NFKB1: variants seen among roughly 807,000 people sequenced by gnomAD.
NFKB1 encodes the protein nuclear factor kappa B subunit 1.
A neutral mutation model predicts 105.1 loss-of-function variants in NFKB1; 9 were observed. The ratio of observed to expected loss-of-function variants is 0.09; its 90% CI spans 0.05 to 0.15. NFKB1 has a LOEUF of 0.15. NFKB1 is among the 10% of genes least tolerant of loss of function. The pLI is 1.00. For synonymous variants in NFKB1, 440 were observed against 442.2 expected, an observed-to-expected ratio of 1.00 and a Z score of 0.06; for missense variants, 830 against 1,203.7, an observed-to-expected ratio of 0.69 and a Z score of 4.59.
intron 11 of NFKB1, among the ~76,000 whole-genome samples, chr4:102,587,763 C>A (rs1233385623): frequency 6.6e-6 from 1 of 151,964 alleles, no homozygotes. Flanking sequence ...TATATGAGGA[C>A]AACAAATTAC....
intron 9 of NFKB1, among the ~76,000 whole-genome samples, chr4:102,582,241 G>A (rs971949788): frequency 1.3e-5 from 2 of 152,174 alleles, no homozygotes; most frequent in Non-Finnish European, 2.9e-5. Context: ...TTAATAGTGT[G>A]TTAAGAGCCT....
In NFKB1 at chr4:102,536,416, G is replaced by A. The variant is rs4647994; in HGVS notation, c.160-1442G>A. On this transcript the variant is annotated intron_variant, in intron 4 of 23. Coordinates refer to ENST00000226574, the MANE Select transcript of NFKB1 (RefSeq NM_003998.4). Reference sequence around the variant, plus strand: ...CATTAAGGAAATTTCCCAGACCGGGGAATTTACTTTAGGCCTTACTTATCT... The same window carrying A: ...CATTAAGGAAATTTCCCAGACCGGGAAATTTACTTTAGGCCTTACTTATCT... Among the ~76,000 whole-genome samples the A allele has an allele frequency of 5.0e-3, 767 of 152,246 alleles. 14 individuals are homozygous for A. Among genetic ancestry groups the A allele is most frequent in the African/African-American group, 0.017 (713 of 41,532 alleles).
At chr4:102,555,165 AG>A (rs1008050465) in intron 5 of NFKB1, among the ~76,000 whole-genome samples, 1 of 152,164 alleles carries the variant, frequency 6.6e-6, no homozygotes, top group Non-Finnish European at 1.5e-5. Context: ...GAGTTAGATT[AG>A]GGAGATGAAC....
At position 102,582,769 on chromosome 4, in the gene NFKB1, TAGTA is replaced by T. The variant is rs561283236; in HGVS notation, c.836-96_836-93del. ...CTTGTTTTTTAAAAGTGTAAATAGA[TAGTA>T]GGTAGAATATTAAACCAGTTTTATT... is the stretch of plus-strand genomic sequence containing the variant. On this transcript the variant is annotated intron_variant, in intron 9 of 23. Transcript: ENST00000226574. 3,784 of 706,060 alleles carry T rather than the reference TAGTA, an allele frequency of 5.4e-3. 28 individuals carry two copies. The highest frequency in any genetic ancestry group is 7.7e-3 in the Non-Finnish European group (3,257 of 425,046). The allele number at this position is 706,060 out of a possible 1,614,324, so 43.7% of individuals were successfully genotyped here.
In NFKB1 at chr4:102,578,975, G is replaced by A. The variant is rs758872166; in HGVS notation, c.666G>A (p.Pro222=). The A allele has an allele frequency of 3.4e-5, 55 of 1,613,948 alleles. No individual in the cohort carries two copies. The highest frequency in any genetic ancestry group is 1.6e-4 in the Middle Eastern group (1 of 6,082). Residue 222 remains proline, a synonymous_variant, in exon 8 of 24, where the codon CCG becomes CCA. Transcript: ENST00000226574. ...GGCTCATGTTTACAGCTTTTCTTCC[G>A]GATAGCACTGGCAGCTTCACAAGGC... ...VVRLMFTAFL[P]DSTGSFTRRL...
At chr4:102,502,031 C>T (rs1739070956) in intron 1 of NFKB1, 1 of 152,368 alleles carries the variant, frequency 6.6e-6, no homozygotes, top group Non-Finnish European at 1.5e-5. Flanking sequence ...GCCCGGCGGT[C>T]ATTTCTCTTC....
intron 6 of NFKB1, 35 bp from the exon 7 acceptor site, chr4:102,576,841 T>G (rs1724862094): frequency 2.5e-6 from 4 of 1,575,570 alleles, no homozygotes; most frequent in Non-Finnish European, 3.4e-6. Context: ...AACTTTTGGT[T>G]GTTGTTGCTG....
At chr4:102,571,966 C>T (rs1350582856) in intron 6 of NFKB1, among the ~76,000 whole-genome samples, 2 of 152,178 alleles carry the variant, frequency 1.3e-5, no homozygotes, top group African/African-American at 4.8e-5. Context: ...CCATTTGACC[C>T]AGCCATCCCA....
chr4:102,597,661 G>A lies in NFKB1; in HGVS notation c.1637G>A (p.Ser546Asn). 1.2e-6 allele frequency: 2 copies of A among 1,609,522 alleles called. No individual in the cohort carries two copies. The highest frequency in any genetic ancestry group is 1.7e-6 in the Non-Finnish European group (2 of 1,177,308). ...GCTGTGCAGGATGAGAATGGGGACA[G>A]GTAAGTCAGAACTTTTGCATGATAG... is the stretch of plus-strand genomic sequence containing the variant. ...LTAVQDENGD[S>N]VLHLAIIHLH... The change falls in exon 15 of 24, where the codon AGT becomes AAT. Residue 546 changes from serine to asparagine, a missense_variant and splice_region_variant. Physicochemically the swap from Ser to Asn is conservative, Grantham distance 46. Transcript: ENST00000226574.
At chr4:102,611,931 A>T in intron 20 of NFKB1, 113 bp from the exon 21 acceptor site, 1 of 749,216 alleles carries the variant, frequency 1.3e-6, no homozygotes, top group Non-Finnish European at 2.2e-6. Context: ...CTCCATCATT[A>T]GGGTACCAGG....
chr4:102,614,899 G>C (rs1728798844), intron 23 of NFKB1, among the ~76,000 whole-genome samples: 1 of 152,014 alleles, frequency 6.6e-6, no homozygotes, highest in South Asian at 2.1e-4. Context: ...TCTTCCAGGA[G>C]ATTAAGACAA....
At chr4:102,539,458 A>G (rs574134510) in intron 5 of NFKB1, among the ~76,000 whole-genome samples, 3 of 152,134 alleles carry the variant, frequency 2.0e-5, no homozygotes, top group Non-Finnish European at 4.4e-5. Context: ...GTTGCATTTT[A>G]AGTCTCTTAG....
intron 11 of NFKB1, among the ~76,000 whole-genome samples, chr4:102,591,512 A>T (rs1726174098): frequency 6.6e-6 from 1 of 152,148 alleles, no homozygotes; most frequent in Non-Finnish European, 1.5e-5. Flanking sequence ...TCATTCTGAA[A>T]ATCCTAGAGC....
chr4:102,554,530 C>T (rs1214722603), intron 5 of NFKB1, among the ~76,000 whole-genome samples: 2 of 152,152 alleles, frequency 1.3e-5, no homozygotes, highest in African/African-American at 2.4e-5. Flanking sequence ...TTTCTCCAAG[C>T]GGAATCATAC....
intron 1 of NFKB1, chr4:102,510,934 T>C (rs2149097925): frequency 1.6e-6 from 2 of 1,285,200 alleles, no homozygotes; most frequent in African/African-American, 1.5e-5. Flanking sequence ...CTTGGAGATA[T>C]GAAAAGAACC....
At chr4:102,538,574 A>T (rs1342639453) in intron 5 of NFKB1, among the ~76,000 whole-genome samples, 5 of 152,210 alleles carry the variant, frequency 3.3e-5, no homozygotes, top group Non-Finnish European at 7.3e-5. Flanking sequence ...TCTTGGAATG[A>T]ACTGCTACGT....
chr4:102,523,076 T>C (rs1270948622), intron 1 of NFKB1, among the ~76,000 whole-genome samples: 1 of 152,182 alleles, frequency 6.6e-6, no homozygotes, highest in Middle Eastern at 3.2e-3. Context: ...TTATATTCTT[T>C]TCAAAAATCC....
intron 5 of NFKB1, among the ~76,000 whole-genome samples, chr4:102,564,650 A>C (rs1264264056): frequency 6.6e-6 from 1 of 152,226 alleles, no homozygotes; most frequent in Non-Finnish European, 1.5e-5. Flanking sequence ...AAAATACATG[A>C]GTACTTTTTG....
chr4:102,613,695 T>A, intron 23 of NFKB1, 114 bp downstream of exon 23: 1 of 1,201,596 alleles, frequency 8.3e-7, no homozygotes, highest in Non-Finnish European at 1.2e-6. Context: ...TGGATACACT[T>A]CCCTGTGTGT....
Sources: gnomAD v4.1 joint callset for allele counts (sites outside exome capture counted in the v4.1 genomes callset) on GRCh38, gnomAD v4.1.1 for gene constraint, MANE v1.5 for transcripts, NCBI Gene and HGNC (gene_info 2026-07-23, HGNC 2026-07-21) for gene names.